Variants in ASTN2 observed in about 807,000 individuals in gnomAD.
The protein encoded by ASTN2 is astrotactin 2.
Under a neutral mutation model 139.8 loss-of-function variants are expected in ASTN2, and 54 were observed. That is an observed-to-expected ratio of 0.39 (90% confidence interval 0.31 to 0.48). The LOEUF (loss-of-function observed/expected upper bound fraction) is 0.48, where lower values mean the gene tolerates loss of function less well. ASTN2 is among the 20% of genes least tolerant of loss of function. ASTN2 has a pLI of 0.95. For missense variants in ASTN2, 1,565 were observed against 1,725.1 expected (o/e 0.91, Z 1.64); for synonymous variants, 756 against 719.5 (o/e 1.05, Z -0.81).
chr9:117,152,892 C>T (rs938083497), intron 3 of ASTN2, among the ~76,000 whole-genome samples: 9 of 152,156 alleles, frequency 5.9e-5, no homozygotes, highest in Non-Finnish European at 1.2e-4. Context: ...ATAACATTTA[C>T]TGTTTATGGA....
intron 17 of ASTN2, among the ~76,000 whole-genome samples, chr9:116,636,293 T>C (rs1293157315): frequency 6.6e-6 from 1 of 152,240 alleles, no homozygotes; most frequent in East Asian, 1.9e-4. Flanking sequence ...GCAAGATACT[T>C]GATTTCTATC....
intron 10 of ASTN2, among the ~76,000 whole-genome samples, chr9:116,927,331 T>C (rs1053305018): frequency 2.0e-5 from 3 of 152,174 alleles, no homozygotes; most frequent in Non-Finnish European, 2.9e-5. Flanking sequence ...GGTGAGACAG[T>C]CACATGGCCA....
At chr9:117,121,619 T>C (rs988987246) in intron 4 of ASTN2, among the ~76,000 whole-genome samples, 1 of 152,230 alleles carries the variant, frequency 6.6e-6, no homozygotes, top group Admixed American at 6.5e-5. Context: ...CAAACAACCC[T>C]GCCATTTGTT....
At chr9:116,662,383 G>A (rs942979028) in intron 16 of ASTN2, among the ~76,000 whole-genome samples, 1 of 152,068 alleles carries the variant, frequency 6.6e-6, no homozygotes, top group Non-Finnish European at 1.5e-5. Context: ...GACCAGCCTG[G>A]CCAATATGGT....
intron 13 of ASTN2, among the ~76,000 whole-genome samples, chr9:116,756,792 C>CACACAT (rs1435930817): frequency 6.6e-6 from 1 of 151,642 alleles, no homozygotes; most frequent in Non-Finnish European, 1.5e-5. Context: ...CACACACACA[C>CACACAT]ACACACATAC....
chr9:117,254,539 G>A (rs971393365), intron 2 of ASTN2, among the ~76,000 whole-genome samples: 1 of 152,198 alleles, frequency 6.6e-6, no homozygotes, highest in African/African-American at 2.4e-5. Context: ...GGTTTCTGCT[G>A]TGGGTAGGAA....
At chr9:116,883,882 G>A (rs919456743) in intron 10 of ASTN2, among the ~76,000 whole-genome samples, 12 of 152,200 alleles carry the variant, frequency 7.9e-5, no homozygotes, top group Non-Finnish European at 1.5e-5. Context: ...AGCATGTCCT[G>A]AGTTTTGTCA....
At chr9:116,744,732 T>G (rs953571023) in intron 13 of ASTN2, among the ~76,000 whole-genome samples, 1 of 152,160 alleles carries the variant, frequency 6.6e-6, no homozygotes, top group Non-Finnish European at 1.5e-5. Context: ...TTGCTTATTA[T>G]TAGTACTAAT....
At chr9:116,627,494 T>C (rs1856523372) in intron 17 of ASTN2, among the ~76,000 whole-genome samples, 1 of 152,204 alleles carries the variant, frequency 6.6e-6, no homozygotes, top group Admixed American at 6.5e-5. Context: ...CACCAACTTC[T>C]GTCATTTTAG....
At chr9:116,627,591 G>T (rs1402903605) in intron 17 of ASTN2, among the ~76,000 whole-genome samples, 1 of 152,154 alleles carries the variant, frequency 6.6e-6, no homozygotes, top group African/African-American at 2.4e-5. Context: ...TCAGCCTTAT[G>T]TAGTAGTTTT....
In ASTN2 at chr9:117,001,141, C is replaced by T. The variant is rs73655573; in HGVS notation, c.1591+6951G>A. Among the ~76,000 whole-genome samples the T allele has an allele frequency of 2.5e-3, 378 of 152,262 alleles. 3 individuals carry two copies. The highest frequency in any genetic ancestry group is 8.0e-3 in the African/African-American group (333 of 41,562). The stretch of plus-strand genomic sequence containing the variant: ...ATCTTCTCCACTTTCCTTCTCCTTC[C>T]CTGTCACTTGGGAGAAAAAATTTTT... On this transcript the variant is annotated intron_variant, in intron 7 of 22. Transcript: ENST00000313400.
intron 20 of ASTN2, among the ~76,000 whole-genome samples, chr9:116,444,022 G>A (rs1457586563): frequency 6.6e-6 from 1 of 152,098 alleles, no homozygotes; most frequent in East Asian, 1.9e-4. Flanking sequence ...ACCCTAATAT[G>A]TGTCAAGCAC....
chr9:117,300,295 T>C (rs1301666190), intron 1 of ASTN2, among the ~76,000 whole-genome samples: 1 of 152,194 alleles, frequency 6.6e-6, no homozygotes, highest in Non-Finnish European at 1.5e-5. Context: ...TCCCCTTGCT[T>C]CAGTTTTTTC....
chr9:116,967,145 G>A (rs1292171974), intron 10 of ASTN2, among the ~76,000 whole-genome samples: 1 of 152,180 alleles, frequency 6.6e-6, no homozygotes, highest in Non-Finnish European at 1.5e-5. Context: ...CCAAGCAAGT[G>A]TGATCAATAA....
chr9:117,087,051 A>G (rs1339254918), intron 5 of ASTN2, among the ~76,000 whole-genome samples: 1 of 152,204 alleles, frequency 6.6e-6, no homozygotes, highest in Non-Finnish European at 1.5e-5. Context: ...GGCAAAGGGC[A>G]GCCAGTAGAT....
intron 6 of ASTN2, among the ~76,000 whole-genome samples, chr9:117,009,031 G>C (rs1039160133): frequency 7.9e-5 from 12 of 152,238 alleles, no homozygotes; most frequent in African/African-American, 2.9e-4. Flanking sequence ...AAACAATAGG[G>C]AGAAGGAGAA....
At chr9:116,482,144 G>A (rs1385232770) in intron 20 of ASTN2, among the ~76,000 whole-genome samples, 3 of 152,148 alleles carry the variant, frequency 2.0e-5, no homozygotes, top group African/African-American at 7.2e-5. Context: ...GGCTAACACG[G>A]TGAAACCCTG....
At chr9:117,282,981 T>C (rs1206456024) in intron 2 of ASTN2, among the ~76,000 whole-genome samples, 1 of 137,994 alleles carries the variant, frequency 7.2e-6, no homozygotes, top group Non-Finnish European at 1.6e-5. Context: ...ATACTTCTAC[T>C]GTTTTTTTTT....
chr9:117,375,973 G>T (rs150245173), intron 1 of ASTN2, among the ~76,000 whole-genome samples: 1 of 152,064 alleles, frequency 6.6e-6, no homozygotes, highest in Admixed American at 6.6e-5. Flanking sequence ...CCCCCTCGAT[G>T]AGTCTAATGC....
Sources: allele counts gnomAD v4.1 joint callset (sites outside exome capture counted in the v4.1 genomes callset), GRCh38; gene constraint gnomAD v4.1.1; transcripts MANE v1.5; gene names NCBI Gene and HGNC (gene_info 2026-07-23, HGNC 2026-07-21).